The following PKIB variants were observed in gnomAD, a reference collection of about 807,000 sequenced individuals.
PKIB encodes PKI-beta.
A neutral mutation model predicts 4.5 loss-of-function variants in PKIB; 2 were observed. That is an observed-to-expected ratio of 0.44 (90% CI 0.18 to 1.39). The LOEUF is 1.39. Ranked by LOEUF, PKIB falls within the 40% of genes most tolerant of loss-of-function variation. PKIB has a pLI of 0.27. For missense variants in PKIB, 94 were observed against 92.6 expected, an observed-to-expected ratio of 1.02 and a Z score of -0.06; for synonymous variants, 38 against 36.0, an observed-to-expected ratio of 1.06 and a Z score of -0.20.
intron 2 of PKIB, among the ~76,000 whole-genome samples, chr6:122,485,483 A>G (rs1295411630): frequency 1.3e-5 from 2 of 152,184 alleles, no homozygotes; most frequent in African/African-American, 4.8e-5. Flanking sequence ...TAGGTAAAAG[A>G]TATGTCAGTG....
chr6:122,646,831 A>G (rs80021292), intron 2 of PKIB, among the ~76,000 whole-genome samples: 2,408 of 152,302 alleles, frequency 0.016, 33 homozygotes, highest in Non-Finnish European at 0.022. Flanking sequence ...CACCTTCTTC[A>G]TAGAAATACT....
At chr6:122,561,123 A>G (rs527323051) in intron 2 of PKIB, among the ~76,000 whole-genome samples, 2 of 151,660 alleles carry the variant, frequency 1.3e-5, no homozygotes, top group East Asian at 3.9e-4. Flanking sequence ...TCCTTGAGGT[A>G]TGACCTTAGA....
At chr6:122,626,336 T>C (rs1775443793) in intron 1 of PKIB, among the ~76,000 whole-genome samples, 1 of 152,216 alleles carries the variant, frequency 6.6e-6, no homozygotes, top group African/African-American at 2.4e-5. Context: ...GATTTATGAA[T>C]TTCCATTCAA....
At chr6:122,719,032 T>A (rs1311929683) in intron 4 of PKIB, among the ~76,000 whole-genome samples, 4 of 152,168 alleles carry the variant, frequency 2.6e-5, no homozygotes, top group Non-Finnish European at 5.9e-5. Context: ...TAAACATATA[T>A]GTAATGTTTT....
At chr6:122,500,923 AAAC>A (rs776055792) in intron 2 of PKIB, among the ~76,000 whole-genome samples, 2 of 152,136 alleles carry the variant, frequency 1.3e-5, no homozygotes, top group Non-Finnish European at 2.9e-5. Flanking sequence ...ACATACTTTT[AAAC>A]AACCAGATTT....
At chr6:122,531,161 C>T (rs1229961492) in intron 2 of PKIB, 4 of 152,062 alleles carry the variant, frequency 2.6e-5, no homozygotes. Flanking sequence ...TGAATTATTG[C>T]CTCTTTAATA....
intron 3 of PKIB, among the ~76,000 whole-genome samples, chr6:122,684,420 AATCTACCTTTCTCTTTCAC>A (rs752044111): frequency 4.3e-4 from 66 of 152,232 alleles, no homozygotes; most frequent in East Asian, 5.8e-4. Flanking sequence ...CCTAGCCCTC[AATCTACCTTTCTCTTTCAC>A]ATCTACCTTT....
intron 2 of PKIB, among the ~76,000 whole-genome samples, chr6:122,664,699 A>G (rs965794346): frequency 1.3e-5 from 2 of 152,142 alleles, no homozygotes; most frequent in African/African-American, 4.8e-5. Flanking sequence ...CTGGTGTGAC[A>G]TTAAATATAT....
At chr6:122,613,043 G>A (rs9490495) in intron 1 of PKIB, among the ~76,000 whole-genome samples, 21,000 of 151,940 alleles carry the variant, frequency 0.14, 1,614 homozygotes, top group Non-Finnish European at 0.15. Context: ...AAAAAATGTC[G>A]CAATATTTCT....
chr6:122,723,480 G>A (rs933626304), intron 4 of PKIB, among the ~76,000 whole-genome samples: 3 of 151,728 alleles, frequency 2.0e-5, no homozygotes, highest in African/African-American at 7.3e-5. Flanking sequence ...TCTTTTTCTC[G>A]TATTCTCCAT....
intron 2 of PKIB, chr6:122,585,771 T>A (rs923064421): frequency 1.3e-5 from 2 of 152,138 alleles, no homozygotes; most frequent in Non-Finnish European, 2.9e-5. Context: ...GTTACAAAAT[T>A]TTTTAAAATG....
chr6:122,495,829 A>T (rs188525990), intron 2 of PKIB, among the ~76,000 whole-genome samples: 11 of 152,294 alleles, frequency 7.2e-5, no homozygotes, highest in East Asian at 5.8e-4. Context: ...AACCACTTCC[A>T]CAGAGAGTGG....
At chr6:122,568,699 A>G (rs1168425776) in intron 2 of PKIB, among the ~76,000 whole-genome samples, 2 of 152,170 alleles carry the variant, frequency 1.3e-5, no homozygotes, top group Non-Finnish European at 2.9e-5. Context: ...TTGTAATATA[A>G]TCTTGAGTAG....
intron 2 of PKIB, among the ~76,000 whole-genome samples, chr6:122,670,619 C>T (rs1777426862): frequency 6.6e-6 from 1 of 152,118 alleles, no homozygotes; most frequent in Admixed American, 6.5e-5. Flanking sequence ...CTGTTGCCAG[C>T]CATCTTTCAA....
chr6:122,552,624 C>T (rs1314884304), intron 2 of PKIB, among the ~76,000 whole-genome samples: 8 of 152,068 alleles, frequency 5.3e-5, no homozygotes, highest in African/African-American at 1.9e-4. Context: ...GTGATCTGCC[C>T]GCCTTGGCCT....
chr6:122,650,998 A>G (rs1776531830), intron 2 of PKIB, among the ~76,000 whole-genome samples: 1 of 152,162 alleles, frequency 6.6e-6, no homozygotes, highest in African/African-American at 2.4e-5. Flanking sequence ...TGAATCCAGA[A>G]TCTCTGCTTA....
At chr6:122,671,270 G>A (rs1375965347) in intron 2 of PKIB, among the ~76,000 whole-genome samples, 5 of 148,298 alleles carry the variant, frequency 3.4e-5, no homozygotes, top group Non-Finnish European at 7.4e-5. Context: ...CCAGCCTGGT[G>A]ACAGAGAAAG....
intron 2 of PKIB, among the ~76,000 whole-genome samples, chr6:122,562,870 C>CT (rs1773074602): frequency 7.3e-5 from 11 of 151,660 alleles, no homozygotes; most frequent in East Asian, 5.8e-4. Flanking sequence ...CTTCTGGTAT[C>CT]ATTTTTTTTT....
chr6:122,620,406 C>T (rs9398679), intron 1 of PKIB, among the ~76,000 whole-genome samples: 38,243 of 152,048 alleles, frequency 0.25, 5,344 homozygotes, highest in East Asian at 0.37. Flanking sequence ...TATATAGAGC[C>T]GAAAAGCTCA....
Sources: gnomAD v4.1 joint callset for allele counts (sites outside exome capture counted in the v4.1 genomes callset) on GRCh38, gnomAD v4.1.1 for gene constraint, MANE v1.5 for transcripts, NCBI Gene and HGNC (gene_info 2026-07-23, HGNC 2026-07-21) for gene names.